The following MED13L variants were observed in gnomAD, a reference collection of about 807,000 sequenced individuals.
The protein encoded by MED13L is mediator of RNA polymerase II transcription subunit 13-like.
In MED13L, 7 loss-of-function variants were observed where a neutral mutation model predicts 220.9. The observed-to-expected ratio is 0.03, with a 90% CI of 0.02 to 0.06. The LOEUF (loss-of-function observed/expected upper bound fraction) is 0.06. MED13L is among the 10% of genes least tolerant of loss of function. The pLI is 1.00. For missense variants in MED13L, 1,965 were observed against 2,760.5 expected (o/e 0.71, Z 6.46); for synonymous variants, 1,011 against 1,015.2 (o/e 1.00, Z 0.08).
chr12:116,041,260 G>A (rs1414052239), intron 4 of MED13L, among the ~76,000 whole-genome samples: 2 of 152,124 alleles, frequency 1.3e-5, no homozygotes, highest in Admixed American at 6.5e-5. Flanking sequence ...ATGAGTATGT[G>A]TGTGTCTCTC....
At position 116,218,846 on chromosome 12, in the gene MED13L, G is replaced by C. The variant is rs138898946; in HGVS notation, c.310+18622C>G. On this transcript the variant is annotated intron_variant, in intron 2 of 30. Coordinates refer to ENST00000281928, the MANE Select transcript of MED13L (RefSeq NM_015335.5). ...CCTCCCAGTCTCAAGTGATCCTCCA[G>C]CCTGAGCCACCCCAGCAGCTGGAAT... 2.2e-3 allele frequency among the ~76,000 whole-genome samples: 335 copies of C among 152,018 alleles called. 1 individual carries two copies. The highest frequency in any genetic ancestry group is 7.8e-3 in the African/African-American group (323 of 41,444).
intron 14 of MED13L, among the ~76,000 whole-genome samples, chr12:116,000,365 C>T (rs970207599): frequency 7.2e-5 from 11 of 152,202 alleles, no homozygotes; most frequent in African/African-American, 2.7e-4. Context: ...TGGAGGTGAG[C>T]TGTGCTGCCC....
At chr12:116,224,628 G>A (rs1043738436) in intron 2 of MED13L, among the ~76,000 whole-genome samples, 1 of 152,280 alleles carries the variant, frequency 6.6e-6, no homozygotes, top group African/African-American at 2.4e-5. Flanking sequence ...AAGAAATCAT[G>A]TAACAATGGT....
intron 28 of MED13L, 80 bp downstream of exon 28, chr12:115,968,860 A>G (rs1247065061): frequency 6.4e-7 from 1 of 1,551,688 alleles, no homozygotes; most frequent in Non-Finnish European, 8.9e-7. Flanking sequence ...GCAAGTAGGA[A>G]CAAGATGATC....
intron 2 of MED13L, chr12:116,148,609 C>CTA (rs3043743): frequency 0.048 from 8,680 of 182,342 alleles, 163 homozygotes; most frequent in Middle Eastern, 0.062. Context: ...ATGGAGATAT[C>CTA]TATATATATA....
At chr12:115,996,416 T>C (rs1878408176) in intron 16 of MED13L, 60 bp downstream of exon 16, 1 of 1,556,286 alleles carries the variant, frequency 6.4e-7, no homozygotes, top group Non-Finnish European at 8.9e-7. Context: ...TAACAAACAT[T>C]TAGTTAAGAT....
chr12:115,963,542 T>G (rs1340309388), intron 29 of MED13L, 23 bp from the exon 30 acceptor site: 2 of 1,549,266 alleles, frequency 1.3e-6, no homozygotes, highest in Non-Finnish European at 1.8e-6. Flanking sequence ...CAAAGAGAGT[T>G]ACCTCTCTGG....
intron 1 of MED13L, among the ~76,000 whole-genome samples, chr12:116,254,551 C>A (rs1871871755): frequency 6.6e-6 from 1 of 152,000 alleles, no homozygotes; most frequent in South Asian, 2.1e-4. Flanking sequence ...GAGTTCAAGA[C>A]CAGCCTGGTC....
intron 4 of MED13L, among the ~76,000 whole-genome samples, chr12:116,050,612 C>G (rs746959901): frequency 2.0e-5 from 3 of 151,936 alleles, no homozygotes; most frequent in Non-Finnish European, 2.9e-5. Flanking sequence ...GTATAAGTAT[C>G]AAGAGTCTCT....
intron 4 of MED13L, among the ~76,000 whole-genome samples, chr12:116,078,723 T>C (rs1439075465): frequency 6.6e-6 from 1 of 152,160 alleles, no homozygotes; most frequent in African/African-American, 2.4e-5. Context: ...AAGCCAAAAA[T>C]ACTAATTATC....
intron 1 of MED13L, among the ~76,000 whole-genome samples, chr12:116,240,645 G>A (rs1046617604): frequency 1.1e-4 from 16 of 151,392 alleles, no homozygotes; most frequent in African/African-American, 3.4e-4. Context: ...CCATTCTCCT[G>A]CCTCAGCCTC....
chr12:116,020,896 G>C (rs905040357), intron 5 of MED13L, among the ~76,000 whole-genome samples: 8 of 151,864 alleles, frequency 5.3e-5, no homozygotes, highest in Non-Finnish European at 1.0e-4. Flanking sequence ...TTTTTTTAAA[G>C]AGCTAGATCA....
chr12:116,212,623 C>T (rs751531453), intron 2 of MED13L, among the ~76,000 whole-genome samples: 3 of 152,074 alleles, frequency 2.0e-5, no homozygotes, highest in African/African-American at 7.2e-5. Flanking sequence ...CAACCTAACA[C>T]GGTATTAAAA....
At chr12:116,027,566 T>C (rs1880476315) in intron 4 of MED13L, among the ~76,000 whole-genome samples, 1 of 152,144 alleles carries the variant, frequency 6.6e-6, no homozygotes, top group Non-Finnish European at 1.5e-5. Flanking sequence ...CAGAAAGCAA[T>C]GTGAAGGCAA....
intron 23 of MED13L, among the ~76,000 whole-genome samples, chr12:115,978,326 C>CTT (rs60887652): frequency 6.1e-4 from 81 of 132,176 alleles, no homozygotes; most frequent in African/African-American, 1.2e-3. Context: ...AATTTTTTTT[C>CTT]TTTTTTTTTT....
chr12:116,196,601 A>G (rs1881640741), intron 2 of MED13L, among the ~76,000 whole-genome samples: 1 of 152,244 alleles, frequency 6.6e-6, no homozygotes, highest in South Asian at 2.1e-4. Context: ...CCAAATATAC[A>G]ATCAAAAAGC....
At chr12:116,164,233 T>C (rs1382991996) in intron 2 of MED13L, among the ~76,000 whole-genome samples, 1 of 152,202 alleles carries the variant, frequency 6.6e-6, no homozygotes, top group Non-Finnish European at 1.5e-5. Flanking sequence ...AAAAACTGAA[T>C]AGTTTCTTAC....
At chr12:116,008,046 G>A in intron 10 of MED13L, 1 of 330,684 alleles carries the variant, frequency 3.0e-6, no homozygotes, top group Non-Finnish European at 5.5e-6. Flanking sequence ...CCTGAATGCA[G>A]GCAAAGCCTT....
intron 19 of MED13L, among the ~76,000 whole-genome samples, chr12:115,984,684 T>C (rs1227846299): frequency 6.6e-6 from 1 of 152,144 alleles, no homozygotes; most frequent in East Asian, 1.9e-4. Context: ...GGACAAAGAA[T>C]TAGCAGATTC....
Sources: gnomAD v4.1 joint callset for allele counts (sites outside exome capture counted in the v4.1 genomes callset) on GRCh38, gnomAD v4.1.1 for gene constraint, MANE v1.5 for transcripts, NCBI Gene and HGNC (gene_info 2026-07-23, HGNC 2026-07-21) for gene names.